Variants in C17orf75 observed in about 807,000 individuals in gnomAD.
C17orf75 encodes protein Njmu-R1.
In C17orf75, 32 loss-of-function variants were observed where a neutral mutation model predicts 49.6. The ratio of observed to expected loss-of-function variants is 0.65; its 90% confidence interval spans 0.49 to 0.87. C17orf75 has a LOEUF of 0.87. C17orf75 is among the 40% of genes least tolerant of loss of function. The probability of loss-of-function intolerance (pLI) is 0.00; values close to 1 mark genes in which losing one functional copy is unlikely to be tolerated. For missense variants in C17orf75, 428 were observed against 473.9 expected (o/e 0.90, Z 0.90); for synonymous variants, 158 against 159.5 (o/e 0.99, Z 0.07).
At chr17:32,334,917 C>T (rs2041311472) in intron 6 of C17orf75, 78 bp from the exon 7 acceptor site, 1 of 1,190,824 alleles carries the variant, frequency 8.4e-7, no homozygotes, top group East Asian at 2.5e-5. Context: ...TAAATGTCCC[C>T]ATAAGTCCCT....
chr17:32,328,911 A>C lies in C17orf75; in HGVS notation c.*2852T>G, dbSNP rs1340741972. 1.3e-5 allele frequency: 2 copies of C among 152,028 alleles called. No individual in the cohort carries two copies. The highest frequency in any genetic ancestry group is 2.4e-5 in the African/African-American group (1 of 41,408). 9.4% of individuals were successfully genotyped at this position (152,028 alleles called of 1,614,324 possible). ...TCTTAAAAAATAAAACAAAAACAAAAAAAAAAACAACTTTAAAAGCCAAGA... is the reference window on the plus strand; with the variant it reads ...TCTTAAAAAATAAAACAAAAACAAACAAAAAAACAACTTTAAAAGCCAAGA... On this transcript the variant is annotated 3_prime_UTR_variant, in exon 10 of 10. Coordinates refer to ENST00000577809, the MANE Select transcript of C17orf75 (RefSeq NM_022344.4).
chr17:32,334,596 A>G lies in C17orf75; in HGVS notation c.744T>C (p.Ser248=), dbSNP rs749239338. 9 of 1,611,772 alleles carry G rather than the reference A, an allele frequency of 5.6e-6. No individual in the cohort carries two copies. Among genetic ancestry groups the G allele is most frequent in the Non-Finnish European group, 7.6e-6 (9 of 1,179,370 alleles). ...GAATAAGTCCTTGAAGACTGGCCAC[A>G]CTCAGAAACCTGCCACACACACAAG... is the stretch of plus-strand genomic sequence containing the variant. The part of the protein sequence containing the change: ...KTKRDINRFL[S]VASLQGLIHE... The change falls in exon 8 of 10, where the codon AGT becomes AGC. Residue 248 remains serine (S), a synonymous_variant. Transcript: ENST00000577809.
At chr17:32,338,096 C>G (rs1472798236) in intron 4 of C17orf75, 112 bp downstream of exon 4, 1 of 1,527,308 alleles carries the variant, frequency 6.5e-7, no homozygotes, top group Non-Finnish European at 9.0e-7. Flanking sequence ...GTATGAAATT[C>G]AACTAAATAC....
In C17orf75 at chr17:32,329,069, CTT is replaced by C. The variant is rs1415927180; in HGVS notation, c.*2692_*2693del. On this transcript the variant is annotated 3_prime_UTR_variant, in exon 10 of 10. Transcript: ENST00000577809. ...CAGTAGTGATACAGAGTTTGTCAGA[CTT>C]TTTTTTTTTTTTTGAGACGGAGTCT... is the stretch of plus-strand genomic sequence containing the variant. 6.3e-5 allele frequency: 9 copies of C among 142,914 alleles called. No individual in the cohort carries two copies. The highest frequency in any genetic ancestry group is 6.2e-5 in the Non-Finnish European group (4 of 64,930). 8.9% of individuals were successfully genotyped at this position (142,914 alleles called of 1,614,324 possible). A position where few individuals can be genotyped will look rare whatever the true frequency, so the allele number is the denominator to read the frequency against.
At position 32,331,361 on chromosome 17, in the gene C17orf75, A is replaced by AT. The variant is rs11298787; in HGVS notation, c.*401dup. On this transcript the variant is annotated 3_prime_UTR_variant, in exon 10 of 10. Coordinates refer to ENST00000577809, the MANE Select transcript of C17orf75 (RefSeq NM_022344.4). ...TAATCTGTTCTAAGACTAGAATTAC[A>AT]TTTTTTTTTTTAAGAAGCTACAGTC... 1.9e-3 allele frequency: 327 copies of AT among 174,358 alleles called. No homozygotes were observed. Among genetic ancestry groups the AT allele is most frequent in the East Asian group, 9.2e-3 (62 of 6,736 alleles). The allele number at this position is 174,358 out of a possible 1,614,324, so 10.8% of individuals were successfully genotyped here.
upstream of C17orf75, chr17:32,344,001 GT>G: frequency 1.5e-6 from 1 of 680,922 alleles, no homozygotes; most frequent in Non-Finnish European, 2.7e-6. Context: ...AATATCGTGG[GT>G]TTAATCCTGG....
intron 1 of C17orf75, among the ~76,000 whole-genome samples, chr17:32,348,392 C>T (rs898758872): frequency 5.3e-5 from 8 of 152,060 alleles, no homozygotes; most frequent in Non-Finnish European, 1.0e-4. Context: ...GCAAATTATT[C>T]CAGCTCTCTT....
At chr17:32,341,902 G>T in intron 1 of C17orf75, 98 bp downstream of exon 1, 2 of 1,110,354 alleles carry the variant, frequency 1.8e-6, no homozygotes, top group Non-Finnish European at 2.2e-6. Flanking sequence ...AGGAGCGGCC[G>T]GGCCGCTGGG....
At position 32,342,058 on chromosome 17, in the gene C17orf75, G is replaced by A. The variant is rs1436524614; in HGVS notation, c.82C>T (p.Arg28Trp). The change falls in exon 1 of 10, where the codon CGG becomes TGG. Residue 28 changes from arginine (R) to tryptophan (W), a missense_variant. By Grantham distance (101) the Arg-to-Trp change is moderately radical (BLOSUM62 -3). Coordinates refer to ENST00000577809, the MANE Select transcript of C17orf75 (RefSeq NM_022344.4). ...SSEEGGSAEE[R>W]RLEPPSSSHY... ...CTGCTGGACGGCGGCTCGAGTCTCC[G>A]CTCCTCGGCTGAGCCTCCCTCTTCG... 6.4e-7 allele frequency: 1 copy of A among 1,560,976 alleles called. No individual in the cohort carries two copies. The highest frequency in any genetic ancestry group is 8.7e-7 in the Non-Finnish European group (1 of 1,155,280).
Position 32,342,111 on chromosome 17 carries a change from T to G in C17orf75, c.29A>C (p.Asp10Ala). Reference sequence around the variant, plus strand: ...GCTCTCTAGTTCCTTTTCATCTCCATCCATCGACTCCTGCAAAGAGGGGAG... The same window carrying G: ...GCTCTCTAGTTCCTTTTCATCTCCAGCCATCGACTCCTGCAAAGAGGGGAG... MLPSLQESM[D>A]GDEKELESSE... The change falls in exon 1 of 10, where the codon GAT becomes GCT. Residue 10 changes from aspartate (D) to alanine (A), a missense_variant. Physicochemically the swap from Asp to Ala is moderately radical, Grantham distance 126. Transcript: ENST00000577809. 6.2e-7 allele frequency: 1 copy of G among 1,601,686 alleles called. No homozygotes were observed. Among genetic ancestry groups the G allele is most frequent in the Non-Finnish European group, 8.5e-7 (1 of 1,174,812 alleles).
chr17:32,331,173 T>TA lies in C17orf75; in HGVS notation c.*589dup, dbSNP rs2041269621. ...CAAAGATAATATTTTATCTTGAAGC[T>TA]AGTGCATCGATTTGTAAAGCTCATT... On this transcript the variant is annotated 3_prime_UTR_variant, in exon 10 of 10. Transcript: ENST00000577809. 1 of 152,562 alleles carries TA rather than the reference T, an allele frequency of 6.6e-6. No individual in the cohort carries two copies. The highest frequency in any genetic ancestry group is 1.5e-5 in the Non-Finnish European group (1 of 68,318). The allele number at this position is 152,562 out of a possible 1,614,324, so 9.5% of individuals were successfully genotyped here. A position where few individuals can be genotyped will look rare whatever the true frequency, so the allele number is the denominator to read the frequency against.
chr17:32,344,794 C>G (rs1461573625), upstream of C17orf75, among the ~76,000 whole-genome samples: 1 of 151,542 alleles, frequency 6.6e-6, no homozygotes, highest in East Asian at 1.9e-4. Flanking sequence ...GTAGTCACAG[C>G]TACTCAGGAG....
At position 32,342,108 on chromosome 17, in the gene C17orf75, C is replaced by CCATCCATCGACT; in HGVS notation, c.20_31dup (p.Glu7_Asp10dup). ...GCTGCTCTCTAGTTCCTTTTCATCT[C>CCATCCATCGACT]CATCCATCGACTCCTGCAAAGAGGG... On this transcript the variant is annotated inframe_insertion, in exon 1 of 10. Coordinates refer to ENST00000577809, the MANE Select transcript of C17orf75 (RefSeq NM_022344.4). 6.2e-7 allele frequency: 1 copy of CCATCCATCGACT among 1,601,794 alleles called. No individual in the cohort carries two copies. Among genetic ancestry groups the CCATCCATCGACT allele is most frequent in the Non-Finnish European group, 8.5e-7 (1 of 1,174,894 alleles).
upstream of C17orf75, among the ~76,000 whole-genome samples, chr17:32,345,523 G>A (rs1261605434): frequency 1.3e-5 from 2 of 150,296 alleles, no homozygotes; most frequent in East Asian, 2.0e-4. Flanking sequence ...ATTGGACATC[G>A]AATTCTAGGT....
rs1199705716 is a variant in C17orf75 at position 32,329,458 on chromosome 17, G to T, written c.*2305C>A. 4 of 150,896 alleles carry T rather than the reference G, an allele frequency of 2.7e-5. No homozygotes were observed. The highest frequency in any genetic ancestry group is 9.8e-5 in the African/African-American group (4 of 40,936). 9.3% of individuals were successfully genotyped at this position (150,896 alleles called of 1,614,324 possible). ...GTGGGAGGATTGCTTGAGTCCAAGA[G>T]TTTAAGACCAGTCTGAGCAACATAG... On this transcript the variant is annotated 3_prime_UTR_variant, in exon 10 of 10. Coordinates refer to ENST00000577809, the MANE Select transcript of C17orf75 (RefSeq NM_022344.4).
rs2041265679 is a variant in C17orf75, at chr17:32,330,635, TA to T, written c.*1127del. On this transcript the variant is annotated 3_prime_UTR_variant, in exon 10 of 10. Coordinates refer to ENST00000577809, the MANE Select transcript of C17orf75 (RefSeq NM_022344.4). ...GGCTTGTAACAAATGTACAAAAAAC[TA>T]AAATCAATGAGTAACTCTAATAGGA... is the stretch of plus-strand genomic sequence containing the variant. The T allele has an allele frequency of 6.6e-6, 1 of 152,200 alleles. No homozygotes were observed. Among genetic ancestry groups the T allele is most frequent in the Non-Finnish European group, 1.5e-5 (1 of 68,036 alleles). The allele number at this position is 152,200 out of a possible 1,614,324, so 9.4% of individuals were successfully genotyped here. A position where few individuals can be genotyped will look rare whatever the true frequency, so the allele number is the denominator to read the frequency against.
At chr17:32,338,454 T>C (rs980319472) in intron 3 of C17orf75, 103 bp from the exon 4 acceptor site, 50 of 1,152,152 alleles carry the variant, frequency 4.3e-5, no homozygotes, top group Admixed American at 6.3e-5. Flanking sequence ...GGCAACACCA[T>C]TAAACTGCCC....
chr17:32,338,067 G>C (rs2041342838), intron 4 of C17orf75, 113 bp from the exon 5 acceptor site: 9 of 1,511,818 alleles, frequency 6.0e-6, no homozygotes, highest in Admixed American at 1.9e-5. Context: ...ACAAGCCAAG[G>C]CAAAATGGCC....
intron 5 of C17orf75, 48 bp from the exon 6 acceptor site, chr17:32,335,490 A>G (rs1172500857): frequency 5.6e-6 from 9 of 1,593,414 alleles, no homozygotes; most frequent in Non-Finnish European, 7.7e-6. Context: ...CCTTTCCTTT[A>G]GTGGACTTCA....
Sources: gnomAD v4.1 joint callset for allele counts (sites outside exome capture counted in the v4.1 genomes callset) on GRCh38, gnomAD v4.1.1 for gene constraint, MANE v1.5 for transcripts, NCBI Gene and HGNC (gene_info 2026-07-23, HGNC 2026-07-21) for gene names.